Variants in SLMAP observed in about 807,000 individuals in gnomAD.
The protein encoded by SLMAP is sarcolemmal membrane-associated protein.
SLMAP carries 44 observed loss-of-function variants against 128.8 expected under a neutral mutation model. That is an observed-to-expected ratio of 0.34 (90% CI 0.27 to 0.44). The LOEUF is 0.44. SLMAP is among the 20% of genes least tolerant of loss of function. The pLI is 1.00. For synonymous variants in SLMAP, 327 were observed against 348.8 expected (o/e 0.94, Z 0.70); for missense variants, 787 against 985.3 (o/e 0.80, Z 2.69).
chr3:57,812,066 G>A (rs1427722731), intron 2 of SLMAP, among the ~76,000 whole-genome samples: 3 of 152,110 alleles, frequency 2.0e-5, no homozygotes, highest in Non-Finnish European at 4.4e-5. Context: ...ACACACAAAA[G>A]TTTTTAATTT....
intron 2 of SLMAP, among the ~76,000 whole-genome samples, chr3:57,764,304 C>T (rs1217384081): frequency 6.6e-6 from 1 of 152,042 alleles, no homozygotes; most frequent in African/African-American, 2.4e-5. Flanking sequence ...GAGTTTGAGA[C>T]CAGCCTGGCC....
chr3:57,791,853 T>C (rs373270062), intron 2 of SLMAP, among the ~76,000 whole-genome samples: 2 of 152,298 alleles, frequency 1.3e-5, no homozygotes, highest in South Asian at 2.1e-4. Flanking sequence ...GATCTATTAA[T>C]GATCTCAAAT....
At chr3:57,902,582 A>G (rs935396674) in intron 17 of SLMAP, among the ~76,000 whole-genome samples, 3 of 152,168 alleles carry the variant, frequency 2.0e-5, no homozygotes, top group African/African-American at 7.2e-5. Context: ...AGTCTGAACT[A>G]GGGTAATTAC....
intron 2 of SLMAP, among the ~76,000 whole-genome samples, chr3:57,805,414 A>T (rs1415357537): frequency 6.6e-6 from 1 of 152,184 alleles, no homozygotes; most frequent in African/African-American, 2.4e-5. Flanking sequence ...GAAGTGATTC[A>T]TTCACTATCC....
intron 17 of SLMAP, chr3:57,898,921 T>C (rs1336369054): frequency 3.9e-5 from 6 of 152,154 alleles, no homozygotes; most frequent in Non-Finnish European, 8.8e-5. Flanking sequence ...ATTGTGAAGA[T>C]TGAATGAAAG....
At chr3:57,857,191 G>A (rs2094833428) in intron 6 of SLMAP, among the ~76,000 whole-genome samples, 1 of 152,138 alleles carries the variant, frequency 6.6e-6, no homozygotes, top group Non-Finnish European at 1.5e-5. Context: ...GGGAGAAGTT[G>A]CAGTTAGAGA....
chr3:57,799,638 A>G (rs954730330), intron 2 of SLMAP, among the ~76,000 whole-genome samples: 25 of 152,258 alleles, frequency 1.6e-4, no homozygotes, highest in Admixed American at 1.5e-3. Flanking sequence ...TTTAATATAT[A>G]AGAGGCTGAT....
rs192151102 is a variant in SLMAP, at chr3:57,801,114, A to G, written c.199-30269A>G. On this transcript the variant is annotated intron_variant, in intron 2 of 24. Coordinates refer to ENST00000671191, the MANE Select transcript of SLMAP (RefSeq NM_001377540.1). ...GATCTGTGGGATTTATCCTGGCTTC[A>G]AGTCCTTCCCCTCCTTCTCATCCCA... 250 of 154,276 alleles carry G rather than the reference A, an allele frequency of 1.6e-3. 4 individuals carry two copies. The highest frequency in any genetic ancestry group is 0.014 in the Middle Eastern group (4 of 296). 9.6% of individuals were successfully genotyped at this position (154,276 alleles called of 1,614,324 possible). A position where few individuals can be genotyped will look rare whatever the true frequency, so the allele number is the denominator to read the frequency against.
intron 14 of SLMAP, among the ~76,000 whole-genome samples, chr3:57,875,483 C>T (rs1249144731): frequency 6.6e-6 from 1 of 152,150 alleles, no homozygotes; most frequent in African/African-American, 2.4e-5. Context: ...CCATTGCACT[C>T]CAGCCTGGGC....
At chr3:57,887,719 C>T (rs1000733644) in intron 14 of SLMAP, among the ~76,000 whole-genome samples, 2 of 152,124 alleles carry the variant, frequency 1.3e-5, no homozygotes. Flanking sequence ...TAAACTTTCT[C>T]TTAAATGCTT....
chr3:57,889,478 G>A (rs1277254245), intron 14 of SLMAP, among the ~76,000 whole-genome samples: 1 of 151,992 alleles, frequency 6.6e-6, no homozygotes, highest in African/African-American at 2.4e-5. Context: ...AATGAAACGT[G>A]GAATATGAAA....
chr3:57,784,198 A>G (rs534281087), intron 2 of SLMAP, among the ~76,000 whole-genome samples: 2 of 152,274 alleles, frequency 1.3e-5, no homozygotes, highest in African/African-American at 2.4e-5. Context: ...CCACAGAACT[A>G]TAGGGCCACC....
Position 57,825,495 on chromosome 3 carries a change from G to GT in SLMAP, c.199-5884dup, listed in dbSNP as rs1181833287. On this transcript the variant is annotated intron_variant, in intron 2 of 24. Transcript: ENST00000671191. Reference sequence around the variant, plus strand: ...CTTTTCTGCATTGAGATGATTGTGTGTTTTCTTTTTTTTTTTTTTTTCATT... The same window carrying GT: ...CTTTTCTGCATTGAGATGATTGTGTGTTTTTCTTTTTTTTTTTTTTTTCATT... 4.1e-4 allele frequency among the ~76,000 whole-genome samples: 50 copies of GT among 120,530 alleles called. No individual in the cohort carries two copies. In the Middle Eastern group the frequency reaches 0.033, roughly 80 times the overall value. 79.1% of individuals were successfully genotyped at this position (120,530 alleles called of 152,430 possible). A position where few individuals can be genotyped will look rare whatever the true frequency, so the allele number is the denominator to read the frequency against.
At chr3:57,798,161 G>T (rs2087237016) in intron 2 of SLMAP, among the ~76,000 whole-genome samples, 1 of 152,260 alleles carries the variant, frequency 6.6e-6, no homozygotes, top group African/African-American at 2.4e-5. Flanking sequence ...TTATTACCAA[G>T]AATATTTTTA....
At chr3:57,764,003 CT>C (rs1471539626) in intron 2 of SLMAP, among the ~76,000 whole-genome samples, 1 of 152,072 alleles carries the variant, frequency 6.6e-6, no homozygotes, top group African/African-American at 2.4e-5. Flanking sequence ...TGTGCCTTGT[CT>C]TTGTAATTAA....
chr3:57,830,189 CACACCACCAT>C (rs1179902467), intron 2 of SLMAP, among the ~76,000 whole-genome samples: 7 of 152,142 alleles, frequency 4.6e-5, no homozygotes, highest in African/African-American at 1.7e-4. Context: ...CACGTGCCAC[CACACCACCAT>C]ACACCACCAT....
chr3:57,861,333 T>C (rs1022282131), intron 9 of SLMAP, among the ~76,000 whole-genome samples: 22 of 152,302 alleles, frequency 1.4e-4, no homozygotes, highest in African/African-American at 5.3e-4. Context: ...ATGCAATTTT[T>C]ATTGCTTTGG....
chr3:57,884,055 A>G (rs2095816130), intron 14 of SLMAP, among the ~76,000 whole-genome samples: 1 of 150,898 alleles, frequency 6.6e-6, no homozygotes, highest in Non-Finnish European at 1.5e-5. Context: ...CAGCCTCCCA[A>G]GTAGTTGAGA....
intron 14 of SLMAP, among the ~76,000 whole-genome samples, chr3:57,882,429 G>A (rs2095769807): frequency 6.6e-6 from 1 of 152,234 alleles, no homozygotes; most frequent in South Asian, 2.1e-4. Context: ...TGAGTTGTAT[G>A]TGTGTCTGGA....
Sources: gnomAD v4.1 joint callset for allele counts (sites outside exome capture counted in the v4.1 genomes callset) on GRCh38, gnomAD v4.1.1 for gene constraint, MANE v1.5 for transcripts, NCBI Gene and HGNC (gene_info 2026-07-23, HGNC 2026-07-21) for gene names.